DPF3: variants seen among roughly 807,000 people sequenced by gnomAD.
DPF3 encodes the protein zinc finger protein DPF3.
A neutral mutation model predicts 56.8 loss-of-function variants in DPF3; 18 were observed. The ratio of observed to expected loss-of-function variants is 0.32; its 90% confidence interval spans 0.22 to 0.47. The LOEUF (loss-of-function observed/expected upper bound fraction) is 0.47. Ranked by LOEUF, DPF3 falls within the 20% of genes least tolerant of loss-of-function variation. The pLI is 1.00. For synonymous variants in DPF3, 188 were observed against 180.2 expected (o/e 1.04, Z -0.35); for missense variants, 403 against 488.8 (o/e 0.82, Z 1.65).
At chr14:72,680,162 T>C (rs1451099617) in intron 7 of DPF3, among the ~76,000 whole-genome samples, 4 of 152,126 alleles carry the variant, frequency 2.6e-5, no homozygotes, top group Admixed American at 2.0e-4. Context: ...AAAGGGAGCA[T>C]CAAAGCCGGG....
intron 8 of DPF3, among the ~76,000 whole-genome samples, chr14:72,631,815 G>A (rs931760538): frequency 1.3e-5 from 2 of 152,210 alleles, no homozygotes; most frequent in African/African-American, 4.8e-5. Context: ...TTAGTGCCAT[G>A]AAGGAAAAGC....
intron 6 of DPF3, among the ~76,000 whole-genome samples, chr14:72,701,683 T>C (rs953490858): frequency 1.3e-5 from 2 of 152,138 alleles, no homozygotes; most frequent in African/African-American, 4.8e-5. Context: ...TCTGGCACAT[T>C]TTCATCAGCC....
At chr14:72,768,809 C>A (rs2139937256) in intron 2 of DPF3, among the ~76,000 whole-genome samples, 1 of 152,074 alleles carries the variant, frequency 6.6e-6, no homozygotes, top group South Asian at 2.1e-4. Context: ...TTTGGCTGCA[C>A]ATGTTTAATG....
At chr14:72,805,838 C>A (rs1882753596) in intron 1 of DPF3, among the ~76,000 whole-genome samples, 1 of 152,058 alleles carries the variant, frequency 6.6e-6, no homozygotes, top group Non-Finnish European at 1.5e-5. Context: ...GAGCAAGACT[C>A]TGTCTCAAAA....
At chr14:72,674,199 C>T (rs770220412) in intron 8 of DPF3, 41 bp downstream of exon 8, 53 of 1,593,086 alleles carry the variant, frequency 3.3e-5, no homozygotes, top group Non-Finnish European at 4.4e-5. Context: ...AGGAGCATTC[C>T]TGGTCTACGG....
At chr14:72,863,094 ATATATATG>A (rs1445672572) in intron 1 of DPF3, among the ~76,000 whole-genome samples, 3 of 84,208 alleles carry the variant, frequency 3.6e-5, no homozygotes, top group African/African-American at 8.5e-5. Context: ...ATATATATAT[ATATATATG>A]TGTGTGTATA....
intron 6 of DPF3, among the ~76,000 whole-genome samples, chr14:72,707,529 C>T (rs1400211106): frequency 1.3e-5 from 2 of 152,174 alleles, no homozygotes; most frequent in African/African-American, 4.8e-5. Context: ...TAAGCTGTGG[C>T]ACATCTGCAT....
chr14:72,892,646 GA>G (rs1886799601), intron 1 of DPF3: 2 of 1,092,692 alleles, frequency 1.8e-6, no homozygotes. Flanking sequence ...GTGAAGACGA[GA>G]ATGCGCTGAA....
intron 8 of DPF3, among the ~76,000 whole-genome samples, chr14:72,651,020 G>A (rs1226705138): frequency 6.6e-6 from 1 of 152,224 alleles, no homozygotes. Flanking sequence ...CAGAACCAGA[G>A]TGAATCTTGG....
At chr14:72,818,772 A>G (rs953391126) in intron 1 of DPF3, among the ~76,000 whole-genome samples, 5 of 152,258 alleles carry the variant, frequency 3.3e-5, no homozygotes, top group South Asian at 4.1e-4. Flanking sequence ...AATACTCAAC[A>G]TGATTCCAAT....
Position 72,624,333 on chromosome 14 carries a change from C to CTTTTT in DPF3, c.985-4354_985-4350dup, listed in dbSNP as rs55820708. Among the ~76,000 whole-genome samples the CTTTTT allele has an allele frequency of 9.2e-3, 900 of 97,736 alleles. 9 individuals are homozygous for CTTTTT. The highest frequency in any genetic ancestry group is 0.015 in the Non-Finnish European group (758 of 52,060). The allele number at this position is 97,736 out of a possible 152,430, so 64.1% of individuals were successfully genotyped here. A position where few individuals can be genotyped will look rare whatever the true frequency, so the allele number is the denominator to read the frequency against. ...TTCTCCAGTTTTCCCACCTATGTCTCTTTTTTTTTTTTTTTTTTTTTCTGA... is the reference window on the plus strand; with the variant it reads ...TTCTCCAGTTTTCCCACCTATGTCTCTTTTTTTTTTTTTTTTTTTTTTTTTTCTGA... On this transcript the variant is annotated intron_variant, in intron 9 of 10. Coordinates refer to ENST00000556509, the MANE Select transcript of DPF3 (RefSeq NM_001280542.3).
chr14:72,780,677 T>C (rs1440119306), intron 1 of DPF3, among the ~76,000 whole-genome samples: 1 of 152,090 alleles, frequency 6.6e-6, no homozygotes, highest in East Asian at 1.9e-4. Flanking sequence ...CCCATATCCT[T>C]AAAAAAAGGT....
intron 1 of DPF3, among the ~76,000 whole-genome samples, chr14:72,799,591 G>A (rs1047832601): frequency 2.0e-5 from 3 of 152,092 alleles, no homozygotes; most frequent in South Asian, 2.1e-4. Flanking sequence ...AGTGAGCCAC[G>A]ATTGCACCAC....
At position 72,756,534 on chromosome 14, in the gene DPF3, C is replaced by T. The variant is rs373277314; in HGVS notation, c.194-3163G>A. 1.4e-4 allele frequency among the ~76,000 whole-genome samples: 22 copies of T among 152,114 alleles called. 1 individual carries two copies. The East Asian group carries it at 2.7e-3, about 19-fold the overall frequency. The stretch of plus-strand genomic sequence containing the variant: ...GAGAGAAAAGAGAGGGAAGAGTGGC[C>T]GGGTACAGTGGCTGACGTCTGTAAT... On this transcript the variant is annotated intron_variant, in intron 2 of 10. Transcript: ENST00000556509.
At chr14:72,775,158 GCCAAAAAAAAAAGAT>G (rs1891698329) in intron 1 of DPF3, among the ~76,000 whole-genome samples, 4 of 151,054 alleles carry the variant, frequency 2.6e-5, no homozygotes, top group African/African-American at 9.7e-5. Context: ...CTGACAGACT[GCCAAAAAAAAAAGAT>G]GTTAATTATC....
intron 1 of DPF3, among the ~76,000 whole-genome samples, chr14:72,860,124 C>G (rs1885337793): frequency 6.6e-6 from 1 of 152,190 alleles, no homozygotes; most frequent in African/African-American, 2.4e-5. Context: ...GACCAAAGTT[C>G]TCCCCACTTT....
chr14:72,749,073 G>A (rs143408849), intron 3 of DPF3, among the ~76,000 whole-genome samples: 40 of 152,328 alleles, frequency 2.6e-4, no homozygotes, highest in African/African-American at 7.9e-4. Context: ...ATCCACTGAC[G>A]GCTTGCACCT....
At chr14:72,710,676 G>C (rs759676299) in intron 6 of DPF3, among the ~76,000 whole-genome samples, 19 of 152,226 alleles carry the variant, frequency 1.2e-4, no homozygotes, top group Non-Finnish European at 2.5e-4. Flanking sequence ...TTGCTGTGCA[G>C]CTGGTCCGGG....
chr14:72,752,629 C>T (rs1454862865), intron 3 of DPF3, among the ~76,000 whole-genome samples: 1 of 152,210 alleles, frequency 6.6e-6, no homozygotes, highest in Non-Finnish European at 1.5e-5. Context: ...CACAACTGCA[C>T]TCCAGCCTGG....
Sources: allele counts gnomAD v4.1 joint callset (sites outside exome capture counted in the v4.1 genomes callset), GRCh38; gene constraint gnomAD v4.1.1; transcripts MANE v1.5; gene names NCBI Gene and HGNC (gene_info 2026-07-23, HGNC 2026-07-21).